The following RALGPS1 variants were observed in gnomAD, a reference collection of about 807,000 sequenced individuals.
RALGPS1 encodes the protein ras-specific guanine nucleotide-releasing factor RalGPS1.
RALGPS1 carries 19 observed loss-of-function variants against 78.8 expected under a neutral mutation model. The observed-to-expected ratio is 0.24, with a 90% confidence interval of 0.17 to 0.35. The LOEUF (loss-of-function observed/expected upper bound fraction) is 0.35, where lower values mean the gene tolerates loss of function less well. Among genes scored for constraint, RALGPS1 ranks in the 10% least tolerant of loss-of-function variants. The pLI is 1.00. For synonymous variants in RALGPS1, 228 were observed against 256.3 expected, an observed-to-expected ratio of 0.89 and a Z score of 1.06; for missense variants, 454 against 688.3, an observed-to-expected ratio of 0.66 and a Z score of 3.81.
At chr9:126,952,876 G>A (rs777258546) in intron 1 of RALGPS1, among the ~76,000 whole-genome samples, 1 of 152,108 alleles carries the variant, frequency 6.6e-6, no homozygotes, top group Non-Finnish European at 1.5e-5. Context: ...CTGCGGAGTC[G>A]TGGGAGAGCT....
chr9:127,142,466 A>G (rs1200069924), intron 8 of RALGPS1, among the ~76,000 whole-genome samples: 1 of 152,180 alleles, frequency 6.6e-6, no homozygotes, highest in Non-Finnish European at 1.5e-5. Flanking sequence ...AGGGGTGGGC[A>G]TGATGGGCGC....
At chr9:126,954,042 T>C (rs2131852223) in intron 1 of RALGPS1, among the ~76,000 whole-genome samples, 1 of 152,290 alleles carries the variant, frequency 6.6e-6, no homozygotes, top group Non-Finnish European at 1.5e-5. Flanking sequence ...GCCCACACTT[T>C]ACTTGGAGCC....
chr9:126,981,396 A>G (rs893094049), intron 4 of RALGPS1, among the ~76,000 whole-genome samples: 1 of 152,172 alleles, frequency 6.6e-6, no homozygotes, highest in East Asian at 1.9e-4. Flanking sequence ...GCTTGTCTGG[A>G]GGGCAGCTCC....
intron 8 of RALGPS1, among the ~76,000 whole-genome samples, chr9:127,080,040 G>A (rs1356332469): frequency 1.3e-5 from 2 of 152,292 alleles, no homozygotes; most frequent in African/African-American, 4.8e-5. Flanking sequence ...GACTCCTCTC[G>A]AAAGCTAGTT....
At chr9:127,053,080 G>A (rs2048426228) in intron 7 of RALGPS1, 141 bp downstream of exon 7, 1 of 650,066 alleles carries the variant, frequency 1.5e-6, no homozygotes, top group Middle Eastern at 2.5e-4. Flanking sequence ...CAGTTCTGTA[G>A]GCATCCTCAC....
intron 1 of RALGPS1, among the ~76,000 whole-genome samples, chr9:126,945,081 G>A (rs1304859332): frequency 6.6e-6 from 1 of 152,186 alleles, no homozygotes; most frequent in Non-Finnish European, 1.5e-5. Context: ...GCTCCCCACT[G>A]CTGCCCTCCT....
At chr9:127,206,274 T>C (rs568019225) in intron 14 of RALGPS1, among the ~76,000 whole-genome samples, 1 of 152,356 alleles carries the variant, frequency 6.6e-6, no homozygotes, top group South Asian at 2.1e-4. Flanking sequence ...AGGGAAAGTA[T>C]ATTAGTCTGT....
chr9:126,918,220 T>C (rs935148021), intron 1 of RALGPS1, among the ~76,000 whole-genome samples: 10 of 152,252 alleles, frequency 6.6e-5, no homozygotes, highest in Non-Finnish European at 1.0e-4. Flanking sequence ...TTTCATTTCA[T>C]CACACATTAA....
chr9:127,138,469 C>G (rs372776555), intron 8 of RALGPS1, among the ~76,000 whole-genome samples: 1 of 152,218 alleles, frequency 6.6e-6, no homozygotes. Flanking sequence ...ATGGGCTTCA[C>G]TAACCACAGT....
chr9:127,112,584 C>G (rs2054948775), intron 8 of RALGPS1, among the ~76,000 whole-genome samples: 1 of 152,268 alleles, frequency 6.6e-6, no homozygotes, highest in African/African-American at 2.4e-5. Flanking sequence ...CAAACATGGG[C>G]TCTCACAGCT....
intron 8 of RALGPS1, among the ~76,000 whole-genome samples, chr9:127,073,988 TCTC>T: frequency 6.6e-6 from 1 of 152,262 alleles, no homozygotes; most frequent in East Asian, 1.9e-4. Flanking sequence ...TTCAAGCAAT[TCTC>T]CTTCCTCAGC....
At chr9:127,110,070 C>T (rs931393637) in intron 8 of RALGPS1, among the ~76,000 whole-genome samples, 4 of 152,202 alleles carry the variant, frequency 2.6e-5, no homozygotes, top group African/African-American at 9.7e-5. Context: ...ATCCCCTCTG[C>T]AGCTCTTGTT....
intron 8 of RALGPS1, among the ~76,000 whole-genome samples, chr9:127,161,539 C>G (rs565977235): frequency 6.6e-6 from 1 of 152,294 alleles, no homozygotes; most frequent in East Asian, 1.9e-4. Flanking sequence ...ACCCGCAGGA[C>G]TGGGTGGGAC....
At chr9:126,992,033 A>T (rs2042327610) in intron 4 of RALGPS1, among the ~76,000 whole-genome samples, 1 of 152,150 alleles carries the variant, frequency 6.6e-6, no homozygotes, top group Non-Finnish European at 1.5e-5. Flanking sequence ...ACTTGTCAAT[A>T]CTTGTTTGAT....
intron 1 of RALGPS1, among the ~76,000 whole-genome samples, chr9:126,929,989 C>T (rs932341534): frequency 1.4e-4 from 21 of 152,096 alleles, no homozygotes; most frequent in African/African-American, 5.1e-4. Context: ...TGCGCCACCA[C>T]TCCTGGCTTA....
chr9:127,103,315 C>A (rs546932098), intron 8 of RALGPS1, among the ~76,000 whole-genome samples: 1 of 152,322 alleles, frequency 6.6e-6, no homozygotes, highest in African/African-American at 2.4e-5. Context: ...CCCAATAGCC[C>A]ATCTGTTGTG....
intron 4 of RALGPS1, among the ~76,000 whole-genome samples, chr9:127,023,126 A>G (rs1023378661): frequency 3.3e-5 from 5 of 152,056 alleles, no homozygotes; most frequent in African/African-American, 1.2e-4. Flanking sequence ...CATCATCACC[A>G]CCACCACCAT....
At chr9:126,940,345 A>G (rs2036645010) in intron 1 of RALGPS1, among the ~76,000 whole-genome samples, 1 of 151,890 alleles carries the variant, frequency 6.6e-6, no homozygotes, top group Admixed American at 6.6e-5. Context: ...TTCTGCTACG[A>G]TCCTGCCACC....
chr9:126,958,985 G>A (rs1360611095), intron 1 of RALGPS1, among the ~76,000 whole-genome samples: 1 of 151,640 alleles, frequency 6.6e-6, no homozygotes. Flanking sequence ...TGGTAGGTGT[G>A]ATGTGGTATC....
Sources: gnomAD v4.1 joint callset for allele counts (sites outside exome capture counted in the v4.1 genomes callset) on GRCh38, gnomAD v4.1.1 for gene constraint, MANE v1.5 for transcripts, NCBI Gene and HGNC (gene_info 2026-07-23, HGNC 2026-07-21) for gene names.